PTPRG: variants seen among roughly 807,000 people sequenced by gnomAD.
PTPRG encodes the protein protein tyrosine phosphatase receptor type G.
In PTPRG, 102 loss-of-function variants were observed where a neutral mutation model predicts 165.3. The observed-to-expected ratio is 0.62, with a 90% confidence interval of 0.53 to 0.73. The LOEUF (loss-of-function observed/expected upper bound fraction) is 0.73. Among genes scored for constraint, PTPRG ranks in the 30% least tolerant of loss-of-function variants. PTPRG has a pLI of 0.00. For missense variants in PTPRG, 1,866 were observed against 1,861.4 expected (o/e 1.00, Z -0.05); for synonymous variants, 675 against 669.5 (o/e 1.01, Z -0.13).
chr3:62,014,239 A>G (rs767152272), intron 4 of PTPRG, among the ~76,000 whole-genome samples: 1 of 152,044 alleles, frequency 6.6e-6, no homozygotes, highest in African/African-American at 2.4e-5. Flanking sequence ...CCCCCCTTTA[A>G]TGGAATGGGA....
At chr3:61,954,005 C>G (rs888464588) in intron 2 of PTPRG, among the ~76,000 whole-genome samples, 2 of 152,134 alleles carry the variant, frequency 1.3e-5, no homozygotes, top group East Asian at 3.9e-4. Flanking sequence ...TGTAGTACTC[C>G]CTTGGATGAA....
chr3:61,645,883 A>C (rs1411033711), intron 1 of PTPRG, among the ~76,000 whole-genome samples: 1 of 152,204 alleles, frequency 6.6e-6, no homozygotes, highest in Admixed American at 6.5e-5. Flanking sequence ...GAGCTACCCA[A>C]AACTTTCAGT....
chr3:61,626,262 A>C (rs1221997322), intron 1 of PTPRG, among the ~76,000 whole-genome samples: 1 of 152,156 alleles, frequency 6.6e-6, no homozygotes, highest in African/African-American at 2.4e-5. Flanking sequence ...GTCCATCCTG[A>C]CAGCAGCAAA....
At chr3:61,846,937 A>G (rs1043881412) in intron 2 of PTPRG, among the ~76,000 whole-genome samples, 5 of 152,078 alleles carry the variant, frequency 3.3e-5, no homozygotes, top group African/African-American at 7.2e-5. Flanking sequence ...GAGAGGGACA[A>G]TATTTTGCGA....
chr3:61,819,976 A>G (rs1266146217), intron 2 of PTPRG, among the ~76,000 whole-genome samples: 2 of 152,100 alleles, frequency 1.3e-5, no homozygotes, highest in African/African-American at 4.8e-5. Flanking sequence ...ATATTTTTTA[A>G]GTGTTTCCTG....
chr3:61,918,418 G>T (rs565981573), intron 2 of PTPRG, among the ~76,000 whole-genome samples: 2 of 152,250 alleles, frequency 1.3e-5, no homozygotes, highest in East Asian at 1.9e-4. Flanking sequence ...GTATATGTGT[G>T]TGTATGTATT....
Position 61,940,095 on chromosome 3 carries a change from T to C in PTPRG, c.191-49530T>C, listed in dbSNP as rs2039582426. 2.0e-5 allele frequency among the ~76,000 whole-genome samples: 3 copies of C among 151,994 alleles called. 1 individual carries two copies. The highest frequency in any genetic ancestry group is 6.6e-5 in the Admixed American group (1 of 15,258). On this transcript the variant is annotated intron_variant, in intron 2 of 29. Coordinates refer to ENST00000474889, the MANE Select transcript of PTPRG (RefSeq NM_002841.4). ...CTGAGTAGCAGGGATTACAGGCACC[T>C]ACCACCATGCCTGGCTGATTTTTGT...
At chr3:61,880,351 G>A (rs759829363) in intron 2 of PTPRG, among the ~76,000 whole-genome samples, 2 of 152,156 alleles carry the variant, frequency 1.3e-5, no homozygotes, top group African/African-American at 4.8e-5. Context: ...GGCTCATGCC[G>A]CACACAATGG....
chr3:62,279,940 T>TA (rs1328603353), intron 26 of PTPRG, among the ~76,000 whole-genome samples: 12 of 152,088 alleles, frequency 7.9e-5, no homozygotes, highest in Admixed American at 2.0e-4. Context: ...TTGGAGCTGA[T>TA]TGATTAGGAT....
chr3:62,017,034 A>C (rs2041562724), intron 4 of PTPRG, among the ~76,000 whole-genome samples: 2 of 151,510 alleles, frequency 1.3e-5, no homozygotes, highest in African/African-American at 4.8e-5. Context: ...CCCCTCCCTC[A>C]CCCCCGTATA....
intron 2 of PTPRG, among the ~76,000 whole-genome samples, chr3:61,910,110 A>C (rs970922877): frequency 6.6e-6 from 1 of 152,118 alleles, no homozygotes; most frequent in African/African-American, 2.4e-5. Flanking sequence ...GCTGTTATGC[A>C]TTTTAAATCA....
rs1302770711 is a variant in PTPRG, at chr3:61,669,061, A to G, written c.86-79817A>G. 3.9e-5 allele frequency among the ~76,000 whole-genome samples: 6 copies of G among 152,322 alleles called. No homozygotes were observed. The South Asian group carries it at 1.0e-3, about 26-fold the overall frequency. ...TCCCCTGGTAAAACTAACACTGTGC[A>G]TTGCGTTTGTATTATTGACATTACC... is the stretch of plus-strand genomic sequence containing the variant. On this transcript the variant is annotated intron_variant, in intron 1 of 29. Coordinates refer to ENST00000474889, the MANE Select transcript of PTPRG (RefSeq NM_002841.4).
chr3:62,291,246 G>A (rs533072958), intron 28 of PTPRG, among the ~76,000 whole-genome samples: 4 of 152,208 alleles, frequency 2.6e-5, no homozygotes, highest in South Asian at 2.1e-4. Flanking sequence ...AAGTGTTCTC[G>A]TGCTGGGAAT....
intron 2 of PTPRG, among the ~76,000 whole-genome samples, chr3:61,961,934 C>A (rs138913230): frequency 1.1e-3 from 172 of 152,316 alleles, no homozygotes; most frequent in African/African-American, 3.9e-3. Context: ...ACAGCTCGGG[C>A]TCTGCACTCC....
At chr3:61,750,157 C>G (rs989102367) in intron 2 of PTPRG, 2 of 152,126 alleles carry the variant, frequency 1.3e-5, no homozygotes, top group Non-Finnish European at 2.9e-5. Flanking sequence ...CTTTTTGTCA[C>G]CATTTCTGAT....
chr3:61,621,051 A>ATATATATGTGTGTG, intron 1 of PTPRG, among the ~76,000 whole-genome samples: 56 of 117,996 alleles, frequency 4.7e-4, no homozygotes, highest in African/African-American at 1.5e-3. Flanking sequence ...ATATATATAT[A>ATATATATGTGTGTG]TGTGTGTGTG....
At chr3:61,883,740 C>T (rs1207075418) in intron 2 of PTPRG, among the ~76,000 whole-genome samples, 1 of 152,110 alleles carries the variant, frequency 6.6e-6, no homozygotes, top group African/African-American at 2.4e-5. Context: ...GGCCAGGTCT[C>T]ACTCTGTCAC....
chr3:62,115,101 TAG>T (rs1702812527), intron 5 of PTPRG, among the ~76,000 whole-genome samples: 1 of 152,114 alleles, frequency 6.6e-6, no homozygotes. Flanking sequence ...ATCAGAAAAA[TAG>T]AGATTTTCAG....
intron 2 of PTPRG, among the ~76,000 whole-genome samples, chr3:61,966,042 TC>T (rs1344985470): frequency 6.6e-6 from 1 of 152,220 alleles, no homozygotes; most frequent in African/African-American, 2.4e-5. Context: ...TACCACAGAA[TC>T]CAGATTAGTA....
Sources: gnomAD v4.1 joint callset for allele counts (sites outside exome capture counted in the v4.1 genomes callset) on GRCh38, gnomAD v4.1.1 for gene constraint, MANE v1.5 for transcripts, NCBI Gene and HGNC (gene_info 2026-07-23, HGNC 2026-07-21) for gene names.